Variants in APP observed in about 807,000 individuals in gnomAD.
APP encodes amyloid beta precursor protein, also known as amyloid-beta precursor protein.
A neutral mutation model predicts 101.4 loss-of-function variants in APP; 31 were observed. The ratio of observed to expected loss-of-function variants is 0.31; its 90% CI spans 0.23 to 0.41. The LOEUF is 0.41. Ranked by LOEUF, APP falls within the 10% of genes least tolerant of loss-of-function variation. APP has a pLI of 1.00. For missense variants in APP, 839 were observed against 1,003.7 expected (o/e 0.84, Z 2.22); for synonymous variants, 366 against 364.4 (o/e 1.00, Z -0.05).
At chr21:26,111,866 C>A (rs896557520) in intron 2 of APP, 113 bp downstream of exon 2, 90 of 1,113,166 alleles carry the variant, frequency 8.1e-5, no homozygotes, top group Non-Finnish European at 1.2e-4. Flanking sequence ...TCATTAGGAA[C>A]CAAGATTTTT....
chr21:25,890,015 A>C (rs1308917833), intron 17 of APP, among the ~76,000 whole-genome samples: 1 of 152,252 alleles, frequency 6.6e-6, no homozygotes, highest in East Asian at 1.9e-4. Context: ...CAGAAATGAA[A>C]TAAGCTGATA....
intron 1 of APP, among the ~76,000 whole-genome samples, chr21:26,126,629 C>T (rs1171397998): frequency 1.3e-5 from 2 of 152,072 alleles, no homozygotes; most frequent in Non-Finnish European, 2.9e-5. Context: ...GGTGGTGCTA[C>T]TGGCATCTAT....
intron 1 of APP, among the ~76,000 whole-genome samples, chr21:26,161,320 C>T (rs1458468852): frequency 1.3e-5 from 2 of 152,208 alleles, no homozygotes; most frequent in African/African-American, 4.8e-5. Context: ...AGTTTACCTT[C>T]ACATACTGAA....
intron 3 of APP, among the ~76,000 whole-genome samples, chr21:26,057,883 T>C (rs181865816): frequency 2.6e-5 from 4 of 152,326 alleles, no homozygotes; most frequent in Admixed American, 2.6e-4. Flanking sequence ...AGTACTTTAA[T>C]ATTATAATCT....
At chr21:25,896,435 CAAA>C (rs1263469056) in intron 16 of APP, among the ~76,000 whole-genome samples, 6 of 148,720 alleles carry the variant, frequency 4.0e-5, no homozygotes, top group East Asian at 2.0e-4. Context: ...CACACACACA[CAAA>C]ACAAAACAAA....
intron 15 of APP, among the ~76,000 whole-genome samples, chr21:25,899,497 T>C (rs952683912): frequency 6.6e-6 from 1 of 152,118 alleles, no homozygotes; most frequent in Non-Finnish European, 1.5e-5. Context: ...GACCTCTTGG[T>C]GCAGGGGTGC....
chr21:25,979,838 C>A (rs55782663), intron 9 of APP, among the ~76,000 whole-genome samples: 151,946 of 151,946 alleles, frequency 1, 75,973 homozygotes, highest in Non-Finnish European at 1. Flanking sequence ...AGTGGGTCCA[C>A]GATGAATGCA....
chr21:25,987,225 G>A (rs1388887772), intron 8 of APP, among the ~76,000 whole-genome samples: 1 of 152,164 alleles, frequency 6.6e-6, no homozygotes, highest in African/African-American at 2.4e-5. Flanking sequence ...AAGTGAAAGA[G>A]CCCATGGAGC....
chr21:26,081,973 T>C (rs897347572), intron 3 of APP, among the ~76,000 whole-genome samples: 2 of 152,150 alleles, frequency 1.3e-5, no homozygotes, highest in Admixed American at 6.6e-5. Context: ...ATCCCAGGAC[T>C]TTGGGAGGCC....
In APP at chr21:25,982,746, G is replaced by A. The variant is rs557195289; in HGVS notation, c.1091-269C>T. Among the ~76,000 whole-genome samples, 94 of 152,274 alleles carry A rather than the reference G, an allele frequency of 6.2e-4. 1 individual carries two copies. The highest frequency in any genetic ancestry group is 2.0e-3 in the African/African-American group (83 of 41,560). On this transcript the variant is annotated intron_variant, in intron 8 of 17. Coordinates refer to ENST00000346798, the MANE Select transcript of APP (RefSeq NM_000484.4). ...CAATTATAGCATTAGAGTTCTTTAC[G>A]AAACAAGCATGCAAAGAGCAAAAAC... is the stretch of plus-strand genomic sequence containing the variant.
At position 25,949,824 on chromosome 21, in the gene APP, T is replaced by C. The variant is rs529256723; in HGVS notation, c.1687+4766A>G. Among the ~76,000 whole-genome samples the C allele has an allele frequency of 7.2e-5, 11 of 152,184 alleles. No homozygotes were observed. The East Asian group carries it at 1.7e-3, about 24-fold the overall frequency. ...GAAAATTCCACTTCAGAGAGGAAAA[T>C]AGGCAGCAGAAAGAACACAGATTTT... On this transcript the variant is annotated intron_variant, in intron 13 of 17. Coordinates refer to ENST00000346798, the MANE Select transcript of APP (RefSeq NM_000484.4).
chr21:25,885,649 C>G (rs2037272911), intron 17 of APP, among the ~76,000 whole-genome samples: 1 of 152,188 alleles, frequency 6.6e-6, no homozygotes, highest in Non-Finnish European at 1.5e-5. Context: ...CCCTGCACTG[C>G]ATGGTGGCAT....
intron 7 of APP, among the ~76,000 whole-genome samples, chr21:25,998,146 T>C (rs2146669442): frequency 6.6e-6 from 1 of 152,200 alleles, no homozygotes; most frequent in Non-Finnish European, 1.5e-5. Flanking sequence ...CCAAAAACTA[T>C]ACATGATATT....
chr21:26,086,448 G>A (rs1015290909), intron 3 of APP, among the ~76,000 whole-genome samples: 1 of 152,116 alleles, frequency 6.6e-6, no homozygotes, highest in Non-Finnish European at 1.5e-5. Flanking sequence ...ATCTGATAAA[G>A]AGGTTAGGAA....
intron 8 of APP, among the ~76,000 whole-genome samples, chr21:25,996,594 C>T (rs542401917): frequency 7.2e-5 from 11 of 152,326 alleles, no homozygotes; most frequent in African/African-American, 2.6e-4. Context: ...CAGGCACTCC[C>T]TGCACAGCGC....
chr21:26,026,184 T>G (rs2044564226), intron 5 of APP, among the ~76,000 whole-genome samples: 1 of 152,142 alleles, frequency 6.6e-6, no homozygotes, highest in South Asian at 2.1e-4. Context: ...CACAATAAAA[T>G]AAACGCTTGG....
At chr21:26,169,991 GAA>G (rs1396841803) in intron 1 of APP, among the ~76,000 whole-genome samples, 1 of 152,202 alleles carries the variant, frequency 6.6e-6, no homozygotes, top group Admixed American at 6.5e-5. Flanking sequence ...CAGCAGCCGC[GAA>G]AAGAGGTTGG....
intron 1 of APP, among the ~76,000 whole-genome samples, chr21:26,162,385 A>G (rs190164525): frequency 2.1e-4 from 32 of 151,996 alleles, no homozygotes; most frequent in African/African-American, 7.5e-4. Context: ...GTAGGAGTAG[A>G]TATAACAAGT....
intron 3 of APP, among the ~76,000 whole-genome samples, chr21:26,071,393 T>A (rs1397843476): frequency 1.3e-5 from 2 of 152,086 alleles, no homozygotes; most frequent in Non-Finnish European, 2.9e-5. Flanking sequence ...GAGCAAGCAT[T>A]CCAAGCAAGC....
Sources: gnomAD v4.1 joint callset for allele counts (sites outside exome capture counted in the v4.1 genomes callset) on GRCh38, gnomAD v4.1.1 for gene constraint, MANE v1.5 for transcripts, NCBI Gene and HGNC (gene_info 2026-07-23, HGNC 2026-07-21) for gene names.